MTUS2: variants seen among roughly 807,000 people sequenced by gnomAD.
MTUS2 encodes the protein microtubule associated scaffold protein 2, also known as microtubule-associated tumor suppressor candidate 2.
In MTUS2, 40 loss-of-function variants were observed where a neutral mutation model predicts 114.1. The observed-to-expected ratio is 0.35, with a 90% CI of 0.27 to 0.46. The LOEUF (loss-of-function observed/expected upper bound fraction) is 0.46, where lower values mean the gene tolerates loss of function less well. Among genes scored for constraint, MTUS2 ranks in the 20% least tolerant of loss-of-function variants. The pLI is 1.00. For synonymous variants in MTUS2, 688 were observed against 672.0 expected, an observed-to-expected ratio of 1.02 and a Z score of -0.37; for missense variants, 1,679 against 1,705.4, an observed-to-expected ratio of 0.98 and a Z score of 0.27.
At chr13:29,183,376 G>A (rs997404014) in intron 5 of MTUS2, among the ~76,000 whole-genome samples, 4 of 152,148 alleles carry the variant, frequency 2.6e-5, no homozygotes, top group Middle Eastern at 3.2e-3. Flanking sequence ...GAACAGGTTA[G>A]GAGATTCATT....
At chr13:28,978,819 A>G (rs1293326209) in intron 2 of MTUS2, among the ~76,000 whole-genome samples, 1 of 152,172 alleles carries the variant, frequency 6.6e-6, no homozygotes, top group African/African-American at 2.4e-5. Flanking sequence ...ACTCTACACT[A>G]TCTGCCCAGG....
chr13:28,846,538 G>A (rs1002780912), intron 2 of MTUS2, among the ~76,000 whole-genome samples: 1 of 152,160 alleles, frequency 6.6e-6, no homozygotes, highest in African/African-American at 2.4e-5. Context: ...TATCAGGGCA[G>A]GTTAATCTCC....
chr13:28,884,094 A>T (rs1878449530), intron 2 of MTUS2, among the ~76,000 whole-genome samples: 1 of 152,192 alleles, frequency 6.6e-6, no homozygotes, highest in African/African-American at 2.4e-5. Flanking sequence ...TCAAATAGAT[A>T]TTTGTACACT....
intron 2 of MTUS2, among the ~76,000 whole-genome samples, chr13:28,968,981 CTGA>C (rs990129099): frequency 6.6e-6 from 1 of 152,096 alleles, no homozygotes; most frequent in Non-Finnish European, 1.5e-5. Flanking sequence ...TAGACTACAA[CTGA>C]TGATATCAAA....
chr13:29,318,416 C>T (rs1174022309), intron 6 of MTUS2, among the ~76,000 whole-genome samples: 1 of 80,212 alleles, frequency 1.2e-5, no homozygotes, highest in Non-Finnish European at 2.4e-5. Flanking sequence ...ATGACAGCCT[C>T]GTCCTCAGAG....
chr13:29,387,354 G>A (rs1872695387), intron 8 of MTUS2, among the ~76,000 whole-genome samples: 1 of 152,160 alleles, frequency 6.6e-6, no homozygotes. Context: ...ACCAAGCCCT[G>A]CGGTTGGAGA....
chr13:29,493,984 C>T (rs1428333680), intron 12 of MTUS2, among the ~76,000 whole-genome samples: 2 of 152,176 alleles, frequency 1.3e-5, no homozygotes, highest in Non-Finnish European at 2.9e-5. Flanking sequence ...AAGCCAACCT[C>T]CTTGGTCTAC....
chr13:29,028,429 C>A (rs1203567537), intron 3 of MTUS2, among the ~76,000 whole-genome samples: 4 of 152,058 alleles, frequency 2.6e-5, no homozygotes, highest in Non-Finnish European at 5.9e-5. Flanking sequence ...CAAGCTGGAG[C>A]CTGTAGGATG....
chr13:29,151,099 A>G (rs1264027466), intron 5 of MTUS2, among the ~76,000 whole-genome samples: 10 of 152,138 alleles, frequency 6.6e-5, no homozygotes, highest in Admixed American at 6.5e-4. Context: ...GCAGTTTGAT[A>G]ACAATAGCAT....
Position 28,992,403 on chromosome 13 carries a change from G to A in MTUS2, c.-242-32054G>A, listed in dbSNP as rs533734449. On this transcript the variant is annotated intron_variant, in intron 2 of 15. Transcript: ENST00000612955. ...AAGAGGACTGCCGGAGGGAGGAGGA[G>A]GTGAAGGAGGGAACGAGCACTTGCC... Among the ~76,000 whole-genome samples, 124 of 152,330 alleles carry A rather than the reference G, an allele frequency of 8.1e-4. 1 individual carries two copies. Among genetic ancestry groups the A allele is most frequent in the African/African-American group, 2.9e-3 (121 of 41,578 alleles).
At chr13:29,118,465 G>T (rs1891177985) in intron 5 of MTUS2, among the ~76,000 whole-genome samples, 1 of 152,158 alleles carries the variant, frequency 6.6e-6, no homozygotes, top group Admixed American at 6.5e-5. Flanking sequence ...TGTGTAGCTT[G>T]AGTCTGAGGA....
intron 8 of MTUS2, among the ~76,000 whole-genome samples, chr13:29,387,972 C>T (rs917436456): frequency 2.6e-5 from 4 of 152,146 alleles, no homozygotes; most frequent in Admixed American, 6.5e-5. Flanking sequence ...ATTGGGCCAT[C>T]GCTTCACTCT....
At chr13:29,267,178 T>A (rs1030165078) in intron 5 of MTUS2, among the ~76,000 whole-genome samples, 1 of 152,214 alleles carries the variant, frequency 6.6e-6, no homozygotes, top group Non-Finnish European at 1.5e-5. Context: ...TGCATTGGTA[T>A]ATACAAAGGG....
chr13:28,843,360 T>C (rs1875641150), intron 2 of MTUS2, among the ~76,000 whole-genome samples: 1 of 152,176 alleles, frequency 6.6e-6, no homozygotes, highest in South Asian at 2.1e-4. Flanking sequence ...GTGTACATCT[T>C]ATTTTTCTGC....
intron 3 of MTUS2, among the ~76,000 whole-genome samples, chr13:29,028,015 T>G (rs896032571): frequency 6.6e-6 from 1 of 152,196 alleles, no homozygotes; most frequent in Admixed American, 6.5e-5. Flanking sequence ...AACTAAGATT[T>G]GTCTCCTGAA....
chr13:29,186,036 C>T (rs1045234627), intron 5 of MTUS2, among the ~76,000 whole-genome samples: 2 of 152,046 alleles, frequency 1.3e-5, no homozygotes, highest in Admixed American at 6.6e-5. Flanking sequence ...CATAAAAAGA[C>T]CTCATCTCTG....
intron 8 of MTUS2, among the ~76,000 whole-genome samples, chr13:29,422,456 T>C (rs1199133387): frequency 6.6e-6 from 1 of 152,148 alleles, no homozygotes. Context: ...TAGTTATTGC[T>C]CCAAAACACA....
chr13:29,116,077 T>C (rs965308425), intron 5 of MTUS2, among the ~76,000 whole-genome samples: 10 of 152,100 alleles, frequency 6.6e-5, no homozygotes, highest in African/African-American at 2.2e-4. Flanking sequence ...GAGACATAAG[T>C]AAAATATGAG....
At chr13:28,880,756 G>A (rs908591445) in intron 2 of MTUS2, among the ~76,000 whole-genome samples, 1 of 152,050 alleles carries the variant, frequency 6.6e-6, no homozygotes, top group Non-Finnish European at 1.5e-5. Context: ...ATTTTTAGTA[G>A]GTTTCAGCTA....
Sources: allele counts gnomAD v4.1 joint callset (sites outside exome capture counted in the v4.1 genomes callset), GRCh38; gene constraint gnomAD v4.1.1; transcripts MANE v1.5; gene names NCBI Gene and HGNC (gene_info 2026-07-23, HGNC 2026-07-21).